Variants in GDPD2 observed in about 807,000 individuals in gnomAD.
GDPD2 encodes the protein glycerophosphodiester phosphodiesterase domain containing 2.
In GDPD2, 23 loss-of-function variants were observed where a neutral mutation model predicts 49.2. The observed-to-expected ratio is 0.47, with a 90% CI of 0.34 to 0.66. The LOEUF (loss-of-function observed/expected upper bound fraction) is 0.66, where lower values mean the gene tolerates loss of function less well. Ranked by LOEUF, GDPD2 falls within the 30% of genes least tolerant of loss-of-function variation. GDPD2 has a pLI of 0.01. For missense variants in GDPD2, 338 were observed against 424.7 expected (o/e 0.80, Z 1.79); for synonymous variants, 167 against 171.4 (o/e 0.97, Z 0.20).
intron 8 of GDPD2, 58 bp downstream of exon 8, chrX:70,427,069 C>A: frequency 8.5e-7 from 1 of 1,180,829 alleles, no homozygotes; most frequent in Non-Finnish European, 1.2e-6. Flanking sequence ...TGCACCATAG[C>A]GACCAGGCCT....
chrX:70,425,909 G>A (rs2086419090), intron 4 of GDPD2, 53 bp downstream of exon 4: 1 of 911,818 alleles, frequency 1.1e-6, no homozygotes, highest in Non-Finnish European at 1.6e-6. Context: ...TTCCTGCTTA[G>A]TTTTAGCTCC....
In GDPD2 at chrX:70,432,380, T is replaced by A. The variant is rs1413213658; in HGVS notation, c.1381T>A (p.Cys461Ser). The A allele has an allele frequency of 8.3e-7, 1 of 1,207,602 alleles. No homozygotes were observed. Among genetic ancestry groups the A allele is most frequent in the Admixed American group, 2.2e-5 (1 of 46,041 alleles). Residue 461 changes from cysteine to serine, a missense_variant, in exon 13 of 16, where the codon TGT becomes AGT. Around this residue, in one of 3 missense-constraint regions of GDPD2, gnomAD observed 253 missense variants for 330.4 expected, o/e 0.77. Coordinates refer to ENST00000374382, the MANE Select transcript of GDPD2 (RefSeq NM_017711.4). ...NKPWLFSLLW[C>S]AGVDSVTTND... is the part of the protein sequence containing the mutation. Reference sequence around the variant, plus strand: ...GCCCTGGCTCTTCTCTCTGCTTTGGTGTGCAGGGGTGGATTCGGTCACCAC... The same window carrying A: ...GCCCTGGCTCTTCTCTCTGCTTTGGAGTGCAGGGGTGGATTCGGTCACCAC...
At chrX:70,430,955 T>A in intron 12 of GDPD2, 1 of 274,111 alleles carries the variant, frequency 3.6e-6, no homozygotes, top group Non-Finnish European at 6.5e-6. Flanking sequence ...CAAGGCTATT[T>A]TTTTTTTTTT....
chrX:70,425,757 C>T lies in GDPD2; in HGVS notation c.210-6C>T. The T allele has an allele frequency of 2.6e-6, 3 of 1,154,220 alleles. No individual in the cohort carries two copies. The highest frequency in any genetic ancestry group is 3.6e-6 in the Non-Finnish European group (3 of 843,373). ...CACTTGGACACCTCCCTCTCCCCTC[C>T]CACAGATTCCTCTTCCGCCGCTGGG... On this transcript the variant is annotated splice_region_variant and splice_polypyrimidine_tract_variant and intron_variant, in intron 3 of 15. Transcript: ENST00000374382.
intron 10 of GDPD2, 134 bp downstream of exon 10, chrX:70,427,597 C>T (rs920049855): frequency 4.0e-6 from 2 of 498,296 alleles, no homozygotes; most frequent in Non-Finnish European, 6.5e-6. Context: ...AAGTCACTTC[C>T]ACCTAGTAGA....
intron 10 of GDPD2, 81 bp from the exon 11 acceptor site, chrX:70,429,412 A>G: frequency 1.7e-6 from 1 of 602,554 alleles, no homozygotes; most frequent in Admixed American, 3.6e-5. Context: ...CACCAAGTGG[A>G]AGATATGAGT....
At chrX:70,424,877 G>A (rs2086406082) in intron 1 of GDPD2, 99 bp from the exon 2 acceptor site, 1 of 539,722 alleles carries the variant, frequency 1.9e-6, no homozygotes, top group Non-Finnish European at 3.0e-6. Context: ...CAGCGGCCCA[G>A]GCCTCTGCCT....
chrX:70,424,995 C>T lies in GDPD2; in HGVS notation c.11C>T (p.Ser4Phe), dbSNP rs372109848. ...CCCCAGGCCTTCACCATGGCCGAGTCCCCCGGCTGCTGCTCCGTCTGGGCC... is the reference window on the plus strand; with the variant it reads ...CCCCAGGCCTTCACCATGGCCGAGTTCCCCGGCTGCTGCTCCGTCTGGGCC... MAESPGCCSVWARC... is the reference protein window; with the variant it reads MAEFPGCCSVWARC... The change falls in exon 2 of 16, where the codon TCC (serine) becomes TTC (phenylalanine). Residue 4 changes from serine (S) to phenylalanine (F), a missense_variant. By Grantham distance (155) the Ser-to-Phe change is radical (BLOSUM62 -2). This residue lies in a region of GDPD2 where 75 missense variants were observed against 67.6 expected (regional missense o/e 1.11). Transcript: ENST00000374382. 1.4e-5 allele frequency: 17 copies of T among 1,189,865 alleles called. No individual in the cohort carries two copies. The highest frequency in any genetic ancestry group is 1.6e-5 in the Non-Finnish European group (14 of 883,402).
At chrX:70,424,411 GATCTGAATA>G (rs1373526480) in intron 1 of GDPD2, among the ~76,000 whole-genome samples, 1 of 111,963 alleles carries the variant, frequency 8.9e-6, no homozygotes, top group African/African-American at 3.2e-5. Context: ...AGGGATTTGT[GATCTGAATA>G]ATCTCTATAA....
intron 1 of GDPD2, among the ~76,000 whole-genome samples, chrX:70,423,694 G>T (rs1602829252): frequency 1.8e-5 from 2 of 111,260 alleles, no homozygotes; most frequent in Admixed American, 1.9e-4. Flanking sequence ...ACCGGGAAGG[G>T]TCTCGTAGAG....
Position 70,430,010 on chromosome X carries a change from G to C in GDPD2, c.1254G>C (p.Glu418Asp), listed in dbSNP as rs761393534. The change falls in exon 12 of 16, where the codon GAG becomes GAC. Residue 418 changes from glutamate (E) to aspartate (D), a missense_variant. Coordinates refer to ENST00000374382, the MANE Select transcript of GDPD2 (RefSeq NM_017711.4). ...GACGTCAGGGAGGCAACAGAACGGA[G>C]AGGCCCCAGTTTCTTAACCTCCCCT... ...IYGRQGGNRT[E>D]RPQFLNLPYQ... 2.1e-5 allele frequency: 25 copies of C among 1,209,073 alleles called. No homozygotes were observed. In the South Asian group the frequency reaches 4.1e-4, roughly 20 times the overall value.
Position 70,426,930 on chromosome X carries a change from A to C in GDPD2, c.621A>C (p.Leu207=), listed in dbSNP as rs200891603. ...TCCTGGTCATCTACTTGGCCCCCCT[A>C]TGCATCTCCTCACCCTGCATCATGG... ...GVVLVIYLAP[L]CISSPCIMEP... is the part of the protein sequence containing the mutation. Residue 207 remains leucine, a synonymous_variant, in exon 8 of 16, where the codon CTA becomes CTC. Transcript: ENST00000374382. 4.4e-5 allele frequency: 53 copies of C among 1,204,866 alleles called. 1 individual carries two copies. Among genetic ancestry groups the C allele is most frequent in the Admixed American group, 3.9e-4 (18 of 45,676 alleles).
In GDPD2 at chrX:70,427,462, A is replaced by G. The variant is rs1434582608; in HGVS notation, c.935A>G (p.Glu312Gly). Residue 312 changes from glutamate to glycine, a missense_variant and splice_region_variant, in exon 10 of 16, where the codon GAG becomes GGG. By Grantham distance (98) the Glu-to-Gly change is moderately conservative. This residue lies in a region of GDPD2 where 253 missense variants were observed against 330.4 expected (regional missense o/e 0.77). Coordinates refer to ENST00000374382, the MANE Select transcript of GDPD2 (RefSeq NM_017711.4). ...KRLNAGSWFLERRPFWGAKPL... is the reference protein window; with the variant it reads ...KRLNAGSWFLGRRPFWGAKPL... ...CTCAATGCTGGATCCTGGTTCCTAG[A>G]GGTGAGGACAGCCTCTGCAAAGAGG... The G allele has an allele frequency of 8.3e-7, 1 of 1,202,087 alleles. No individual in the cohort carries two copies. The highest frequency in any genetic ancestry group is 3.0e-5 in the East Asian group (1 of 33,750).
At chrX:70,428,980 C>A (rs6625610) in intron 10 of GDPD2, among the ~76,000 whole-genome samples, 1,810 of 111,686 alleles carry the variant, frequency 0.016, 34 homozygotes, top group African/African-American at 0.055. Flanking sequence ...GCGCTGAGAG[C>A]GAAAAATAAG....
At chrX:70,425,659 C>T in intron 3 of GDPD2, 104 bp from the exon 4 acceptor site, 1 of 580,217 alleles carries the variant, frequency 1.7e-6, no homozygotes, top group Middle Eastern at 3.2e-4. Flanking sequence ...GGGGCTTTCT[C>T]CTCACTCCCT....
chrX:70,426,280 G>A lies in GDPD2; in HGVS notation c.364-91G>A, dbSNP rs749277263. 367 of 834,209 alleles carry A rather than the reference G, an allele frequency of 4.4e-4. 3 individuals are homozygous for A. The South Asian group carries it at 6.8e-3, about 15-fold the overall frequency. The allele number at this position is 834,209 out of a possible 1,213,427, so 68.7% of individuals were successfully genotyped here. ...AGCAGATGTGTCAGGGGAAGGGAAG[G>A]GTCGGGTCCCATCTCTATAGAGTGA... is the stretch of plus-strand genomic sequence containing the variant. On this transcript the variant is annotated intron_variant, in intron 5 of 15. Transcript: ENST00000374382.
At chrX:70,426,163 T>C in intron 5 of GDPD2, 52 bp downstream of exon 5, 1 of 1,045,571 alleles carries the variant, frequency 9.6e-7, no homozygotes, top group Non-Finnish European at 1.3e-6. Flanking sequence ...GCTCAGCACT[T>C]GGCTGGCTAT....
At chrX:70,427,680 G>A (rs2086438423) in intron 10 of GDPD2, 1 of 378,629 alleles carries the variant, frequency 2.6e-6, no homozygotes, top group South Asian at 5.7e-5. Context: ...AGAATCAGGA[G>A]TGGATTCATA....
intron 12 of GDPD2, among the ~76,000 whole-genome samples, chrX:70,431,544 C>T (rs1214307571): frequency 1.8e-5 from 2 of 112,718 alleles, no homozygotes; most frequent in African/African-American, 3.2e-5. Flanking sequence ...TGAATACAGG[C>T]ATAGTGCCCA....
Sources: allele counts gnomAD v4.1 joint callset (sites outside exome capture counted in the v4.1 genomes callset), GRCh38; gene constraint gnomAD v4.1.1; regional missense constraint gnomAD v4.1.1; transcripts MANE v1.5; gene names NCBI Gene and HGNC (gene_info 2026-07-23, HGNC 2026-07-21).